HIVEP2: variants seen among roughly 807,000 people sequenced by gnomAD.
HIVEP2 encodes transcription factor HIVEP2.
Under a neutral mutation model 180.7 loss-of-function variants are expected in HIVEP2, and 14 were observed. That is an observed-to-expected ratio of 0.08 (90% CI 0.05 to 0.12). HIVEP2 has a LOEUF of 0.12. HIVEP2 is among the 10% of genes least tolerant of loss of function. The probability of loss-of-function intolerance (pLI) is 1.00; values close to 1 mark genes in which losing one functional copy is unlikely to be tolerated. For missense variants in HIVEP2, 2,579 were observed against 3,008.5 expected, an observed-to-expected ratio of 0.86 and a Z score of 3.34; for synonymous variants, 1,184 against 1,136.4, an observed-to-expected ratio of 1.04 and a Z score of -0.84.
chr6:142,859,386 AG>A (rs1420787809), intron 1 of HIVEP2, among the ~76,000 whole-genome samples: 1 of 151,672 alleles, frequency 6.6e-6, no homozygotes, highest in Non-Finnish European at 1.5e-5. Context: ...ACTTCAGCCC[AG>A]GAGGTCGGGG....
rs1012210711 is a variant in HIVEP2 at position 142,772,111 on chromosome 6, T to C, written c.2628A>G (p.Thr876=). 3 of 1,614,032 alleles carry C rather than the reference T, an allele frequency of 1.9e-6. No individual in the cohort carries two copies. Among genetic ancestry groups the C allele is most frequent in the Non-Finnish European group, 2.5e-6 (3 of 1,180,036 alleles). ...SQQVQQQSYH[T]QPRLVRQHNI... is the part of the protein sequence containing the mutation. Reference sequence around the variant, plus strand: ...TGTGTTGCCGAACTAGCCTGGGCTGTGTGTGATAGGACTGCTGCTGCACCT... The same window carrying C: ...TGTGTTGCCGAACTAGCCTGGGCTGCGTGTGATAGGACTGCTGCTGCACCT... Residue 876 remains threonine (T), a synonymous_variant, in exon 5 of 10, where the codon ACA becomes ACG. Transcript: ENST00000367603. This position sits in a 1 kb window ranked among gnomAD's most constrained non-coding sequence, Gnocchi z 4.9.
At chr6:142,861,279 T>G (rs974343998) in intron 1 of HIVEP2, among the ~76,000 whole-genome samples, 1 of 152,240 alleles carries the variant, frequency 6.6e-6, no homozygotes, top group African/African-American at 2.4e-5. Context: ...GACAAATCAA[T>G]TGGAATGGCC....
intron 2 of HIVEP2, among the ~76,000 whole-genome samples, chr6:142,811,178 C>T (rs1022630791): frequency 4.3e-5 from 6 of 140,152 alleles, no homozygotes; most frequent in African/African-American, 1.0e-4. Flanking sequence ...TCATGAGGCA[C>T]GTGCATGTGT....
intron 1 of HIVEP2, among the ~76,000 whole-genome samples, chr6:142,917,501 T>TTAAC (rs1777584899): frequency 6.6e-6 from 1 of 152,194 alleles, no homozygotes; most frequent in Admixed American, 6.5e-5. Flanking sequence ...TTTATTCTCA[T>TTAAC]TAACAGTGAT....
chr6:142,892,471 C>T (rs537479726), intron 1 of HIVEP2, among the ~76,000 whole-genome samples: 349 of 152,226 alleles, frequency 2.3e-3, no homozygotes, highest in African/African-American at 7.5e-3. Context: ...ACCTGAGCTG[C>T]TCTAGGTTAT....
intron 1 of HIVEP2, among the ~76,000 whole-genome samples, chr6:142,846,270 T>C (rs1350709037): frequency 6.6e-6 from 1 of 151,890 alleles, no homozygotes; most frequent in Non-Finnish European, 1.5e-5. Context: ...TTAATTTCCT[T>C]TGAAGAAAAA....
At chr6:142,930,399 T>G (rs979041544) in intron 1 of HIVEP2, among the ~76,000 whole-genome samples, 1 of 152,212 alleles carries the variant, frequency 6.6e-6, no homozygotes, top group African/African-American at 2.4e-5. Context: ...CTCAGTGGCT[T>G]TATTTTTCTT....
intron 1 of HIVEP2, among the ~76,000 whole-genome samples, chr6:142,849,630 T>A (rs1775599493): frequency 6.6e-6 from 1 of 151,890 alleles, no homozygotes; most frequent in South Asian, 2.1e-4. Context: ...TCCTCCCACC[T>A]CAGCCTCCTG....
intron 4 of HIVEP2, 77 bp from the exon 5 acceptor site, chr6:142,775,202 A>C: frequency 6.0e-6 from 2 of 332,770 alleles, no homozygotes; most frequent in Non-Finnish European, 8.6e-6. Context: ...AACCTAACTA[A>C]CCAACCAGAA....
intron 1 of HIVEP2, among the ~76,000 whole-genome samples, chr6:142,854,943 T>C (rs1007768811): frequency 2.0e-5 from 3 of 152,212 alleles, no homozygotes; most frequent in African/African-American, 4.8e-5. Flanking sequence ...AATGACTCCA[T>C]GACCCGGGCA....
At position 142,775,498 on chromosome 6, in the gene HIVEP2, G is replaced by A. The variant is rs113431383; in HGVS notation, c.-387-373C>T. Among the ~76,000 whole-genome samples, 490 of 152,080 alleles carry A rather than the reference G, an allele frequency of 3.2e-3. 3 individuals are homozygous for A. The highest frequency in any genetic ancestry group is 0.011 in the African/African-American group (469 of 41,468). On this transcript the variant is annotated intron_variant, in intron 4 of 9. Transcript: ENST00000367603. ...CAAGTTTTATGACTTGTATGCCAAA[G>A]TGTATTACATATCTCTATATAGAGA...
intron 1 of HIVEP2, among the ~76,000 whole-genome samples, chr6:142,921,016 A>G (rs767243559): frequency 2.6e-5 from 4 of 152,056 alleles, no homozygotes; most frequent in African/African-American, 4.8e-5. Flanking sequence ...CTTTTCCCCA[A>G]TTTATTCATT....
intron 2 of HIVEP2, among the ~76,000 whole-genome samples, chr6:142,834,894 T>C (rs1775185858): frequency 6.6e-6 from 1 of 152,112 alleles, no homozygotes; most frequent in African/African-American, 2.4e-5. Flanking sequence ...ATAAAGTCAC[T>C]AAGAGGTTGC....
chr6:142,770,449 G>A lies in HIVEP2; in HGVS notation c.4290C>T (p.Asp1430=). ...TGCTACCTCCCAGGGTGGCCACGCT[G>A]TCAGAGGTGGAAGGTAAACACAAGG... is the stretch of plus-strand genomic sequence containing the variant. ...SIPLCLPSTS[D]SVATLGGSKR... is the part of the protein sequence containing the mutation. Residue 1430 remains aspartate (D), a synonymous_variant, in exon 5 of 10, where the codon GAC becomes GAT. Coordinates refer to ENST00000367603, the MANE Select transcript of HIVEP2 (RefSeq NM_006734.4). This position sits in a 1 kb window ranked among gnomAD's most constrained non-coding sequence, Gnocchi z 4.7. 6.2e-7 allele frequency: 1 copy of A among 1,614,158 alleles called. No individual in the cohort carries two copies. The highest frequency in any genetic ancestry group is 8.5e-7 in the Non-Finnish European group (1 of 1,180,030).
intron 6 of HIVEP2, among the ~76,000 whole-genome samples, chr6:142,766,315 G>A (rs928048237): frequency 2.6e-5 from 4 of 152,012 alleles, no homozygotes; most frequent in Non-Finnish European, 5.9e-5. Context: ...CATGTCTTCC[G>A]TTCCTTTAAA....
At chr6:142,757,757 A>T (rs575895416) in intron 9 of HIVEP2, among the ~76,000 whole-genome samples, 1 of 152,262 alleles carries the variant, frequency 6.6e-6, no homozygotes, top group South Asian at 2.1e-4. Context: ...ACTAAAACTC[A>T]TCTCTCTCTA....
At chr6:142,865,475 G>C (rs1486635536) in intron 1 of HIVEP2, among the ~76,000 whole-genome samples, 1 of 151,804 alleles carries the variant, frequency 6.6e-6, no homozygotes, top group Non-Finnish European at 1.5e-5. Flanking sequence ...AATGTTACCA[G>C]TACCTTTTTC....
intron 1 of HIVEP2, among the ~76,000 whole-genome samples, chr6:142,901,410 T>C (rs957490495): frequency 2.0e-5 from 3 of 152,240 alleles, no homozygotes; most frequent in African/African-American, 7.2e-5. Flanking sequence ...AAATCATATC[T>C]AGAACGCTTT....
At chr6:142,879,756 T>C (rs1007773784) in intron 1 of HIVEP2, among the ~76,000 whole-genome samples, 1 of 152,060 alleles carries the variant, frequency 6.6e-6, no homozygotes, top group Non-Finnish European at 1.5e-5. Context: ...CCACAGTCTC[T>C]TCTCCAGGCA....
Sources: allele counts gnomAD v4.1 joint callset (sites outside exome capture counted in the v4.1 genomes callset), GRCh38; gene constraint gnomAD v4.1.1; non-coding constraint Gnocchi (gnomAD v3.1); transcripts MANE v1.5; gene names NCBI Gene and HGNC (gene_info 2026-07-23, HGNC 2026-07-21).